The following ANGPTL5 variants were observed in gnomAD, a reference collection of about 807,000 sequenced individuals.
ANGPTL5 encodes angiopoietin like 5.
A neutral mutation model predicts 39.4 loss-of-function variants in ANGPTL5; 34 were observed. The observed-to-expected ratio is 0.86, with a 90% CI of 0.66 to 1.15. The LOEUF (loss-of-function observed/expected upper bound fraction) is 1.15. ANGPTL5 is among the 50% of genes most tolerant of loss of function. The pLI is 0.00. For missense variants in ANGPTL5, 467 were observed against 457.5 expected (o/e 1.02, Z -0.19); for synonymous variants, 146 against 152.1 (o/e 0.96, Z 0.29).
rs545166699 is a variant in ANGPTL5, at chr11:101,904,693, G to T, written c.439+121C>A. 487 of 847,594 alleles carry T rather than the reference G, an allele frequency of 5.7e-4. 1 individual carries two copies. The African/African-American group carries it at 7.1e-3, about 12-fold the overall frequency. 52.5% of individuals were successfully genotyped at this position (847,594 alleles called of 1,614,324 possible). A position where few individuals can be genotyped will look rare whatever the true frequency, so the allele number is the denominator to read the frequency against. On this transcript the variant is annotated intron_variant, in intron 5 of 8. Transcript: ENST00000334289. ...CTTAATAGCAGGTATTAGCCCTCCA[G>T]TCTGTTAGAGAACGGTGAGCTGTAG...
rs762486231 is a variant in ANGPTL5, at chr11:101,895,038, T to C, written c.688A>G (p.Ile230Val). 3 of 1,602,232 alleles carry C rather than the reference T, an allele frequency of 1.9e-6. No homozygotes were observed. In the South Asian group the frequency reaches 3.4e-5, roughly 18 times the overall value. ...LGEFWLGLKK[I>V]FYIVNQKNTS... Reference sequence around the variant, plus strand: ...TTTTTCTGATTTACTATATAAAAAATCTTTTTCAGTCCTAGCCAAAATTCT... The same window carrying C: ...TTTTTCTGATTTACTATATAAAAAACCTTTTTCAGTCCTAGCCAAAATTCT... The change falls in exon 8 of 9, where the codon ATT becomes GTT. Residue 230 changes from isoleucine (I) to valine (V), a missense_variant. Coordinates refer to ENST00000334289, the MANE Select transcript of ANGPTL5 (RefSeq NM_178127.5).
At chr11:101,911,735 T>C (rs553031419) in intron 1 of ANGPTL5, among the ~76,000 whole-genome samples, 1 of 152,242 alleles carries the variant, frequency 6.6e-6, no homozygotes, top group East Asian at 1.9e-4. Flanking sequence ...CAATAAAACC[T>C]CTTTTCTTTA....
At chr11:101,905,706 G>T in intron 4 of ANGPTL5, 38 bp downstream of exon 4, 1 of 1,358,468 alleles carries the variant, frequency 7.4e-7, no homozygotes, top group South Asian at 1.2e-5. Flanking sequence ...ACATCAACGT[G>T]TACATGCAAT....
At chr11:101,909,316 C>T (rs1368734362) in intron 1 of ANGPTL5, among the ~76,000 whole-genome samples, 1 of 152,178 alleles carries the variant, frequency 6.6e-6, no homozygotes, top group Non-Finnish European at 1.5e-5. Context: ...GTGCCGGCTC[C>T]AAGACCAGAT....
At chr11:101,910,424 A>AATATATATATATATAT (rs71059523) in intron 1 of ANGPTL5, among the ~76,000 whole-genome samples, 1 of 127,220 alleles carries the variant, frequency 7.9e-6, no homozygotes, top group Non-Finnish European at 1.6e-5. Context: ...AAAAAAAAAA[A>AATATATATATATATAT]ATATATATAT....
chr11:101,914,233 G>A (rs1357001801), intron 1 of ANGPTL5, among the ~76,000 whole-genome samples: 2 of 152,190 alleles, frequency 1.3e-5, no homozygotes, highest in Non-Finnish European at 2.9e-5. Context: ...AGAAAACACT[G>A]ACTGAAATAC....
At chr11:101,904,675 G>T in intron 5 of ANGPTL5, 139 bp downstream of exon 5, 1 of 708,816 alleles carries the variant, frequency 1.4e-6, no homozygotes, top group Non-Finnish European at 2.4e-6. Flanking sequence ...TTGCTTAATA[G>T]CAGGTATTAG....
intron 6 of ANGPTL5, 23 bp downstream of exon 6, chr11:101,902,597 GA>G: frequency 6.6e-7 from 1 of 1,508,788 alleles, no homozygotes; most frequent in Non-Finnish European, 9.2e-7. Context: ...CATAATACGG[GA>G]AAACTTCAAA....
intron 5 of ANGPTL5, among the ~76,000 whole-genome samples, chr11:101,904,068 A>G (rs780395936): frequency 6.6e-6 from 1 of 152,170 alleles, no homozygotes; most frequent in Non-Finnish European, 1.5e-5. Flanking sequence ...ATCAGAGTCC[A>G]TGCTCCTGAC....
intron 1 of ANGPTL5, among the ~76,000 whole-genome samples, chr11:101,911,117 T>C (rs1940085680): frequency 1.1e-5 from 1 of 89,208 alleles, no homozygotes; most frequent in Non-Finnish European, 2.3e-5. Flanking sequence ...TTTTTTTTTT[T>C]TTTTTTTTTT....
chr11:101,911,116 TTTTTTTTTTTTTTTTTTTTTTTTTTG>T (rs1389209939), intron 1 of ANGPTL5, among the ~76,000 whole-genome samples: 7 of 87,868 alleles, frequency 8.0e-5, no homozygotes, highest in African/African-American at 1.4e-4. Flanking sequence ...TTTTTTTTTT[TTTTTTTTTTTTTTTTTTTTTTTTTTG>T]AGACAGAGCC....
intron 4 of ANGPTL5, among the ~76,000 whole-genome samples, chr11:101,905,115 C>A (rs1008930706): frequency 6.6e-6 from 1 of 152,162 alleles, no homozygotes; most frequent in African/African-American, 2.4e-5. Context: ...TTATCTGCCC[C>A]GATTTCTGCA....
At chr11:101,902,583 C>T (rs1939923310) in intron 6 of ANGPTL5, 38 bp downstream of exon 6, 3 of 1,372,920 alleles carry the variant, frequency 2.2e-6, no homozygotes, top group Non-Finnish European at 2.1e-6. Context: ...TTTATCTTAG[C>T]CCACATAATA....
At chr11:101,906,641 C>G (rs1231245485) in intron 3 of ANGPTL5, among the ~76,000 whole-genome samples, 2 of 152,062 alleles carry the variant, frequency 1.3e-5, no homozygotes, top group Non-Finnish European at 2.9e-5. Context: ...AATGTTGCCC[C>G]CTATAACAAA....
At chr11:101,899,365 G>A (rs907895986) in intron 7 of ANGPTL5, among the ~76,000 whole-genome samples, 2 of 152,194 alleles carry the variant, frequency 1.3e-5, no homozygotes, top group Admixed American at 6.5e-5. Context: ...CTCTCAAAGT[G>A]CTGGGGTTAC....
At chr11:101,893,159 G>A (rs1299160205) in intron 8 of ANGPTL5, among the ~76,000 whole-genome samples, 1 of 152,106 alleles carries the variant, frequency 6.6e-6, no homozygotes, top group Non-Finnish European at 1.5e-5. Context: ...ATATGCATAG[G>A]CTTATTTCCT....
Position 101,894,863 on chromosome 11 carries a change from A to AT in ANGPTL5, c.847+15dup. The AT allele has an allele frequency of 1.3e-6, 2 of 1,599,284 alleles. No homozygotes were observed. The highest frequency in any genetic ancestry group is 1.7e-6 in the Non-Finnish European group (2 of 1,166,976). On this transcript the variant is annotated intron_variant, in intron 8 of 8. Transcript: ENST00000334289. ...AATTTAGATCTGGATAATTTTAGGA[A>AT]TAAAAAAAATCTTACCAGCATTTCC...
At chr11:101,915,146 C>G in intron 1 of ANGPTL5, 1 of 1,337,314 alleles carries the variant, frequency 7.5e-7, no homozygotes, top group Non-Finnish European at 1.0e-6. Flanking sequence ...CTAGGGCTGT[C>G]GAGGCCAACC....
At chr11:101,915,476 A>G (rs911284911) in intron 1 of ANGPTL5, 45 of 1,556,152 alleles carry the variant, frequency 2.9e-5, no homozygotes, top group Middle Eastern at 1.7e-4. Context: ...TCTTTTTCCA[A>G]TTAGATTCCC....
Sources: gnomAD v4.1 joint callset for allele counts (sites outside exome capture counted in the v4.1 genomes callset) on GRCh38, gnomAD v4.1.1 for gene constraint, MANE v1.5 for transcripts, NCBI Gene and HGNC (gene_info 2026-07-23, HGNC 2026-07-21) for gene names.